SCARA5: variants seen among roughly 807,000 people sequenced by gnomAD.
The protein encoded by SCARA5 is scavenger receptor class A, member 5 (putative).
In SCARA5, 45 loss-of-function variants were observed where a neutral mutation model predicts 46.3. The observed-to-expected ratio is 0.97, with a 90% confidence interval of 0.76 to 1.24. The LOEUF (loss-of-function observed/expected upper bound fraction) is 1.24. Among genes scored for constraint, SCARA5 ranks in the 50% most tolerant of loss-of-function variants. The pLI, the probability that SCARA5 is intolerant of heterozygous loss-of-function variation, is 0.00. For synonymous variants in SCARA5, 333 were observed against 306.5 expected, an observed-to-expected ratio of 1.09 and a Z score of -0.90; for missense variants, 680 against 689.0, an observed-to-expected ratio of 0.99 and a Z score of 0.15.
At chr8:27,986,638 G>A (rs978388208) in intron 2 of SCARA5, among the ~76,000 whole-genome samples, 3 of 151,722 alleles carry the variant, frequency 2.0e-5, no homozygotes, top group East Asian at 2.0e-4. Context: ...AGCCACCACG[G>A]TTCTTTCCCT....
At chr8:27,944,759 A>G (rs1003621206) in intron 3 of SCARA5, among the ~76,000 whole-genome samples, 5 of 151,764 alleles carry the variant, frequency 3.3e-5, no homozygotes, top group African/African-American at 9.7e-5. Flanking sequence ...AATCCCAGAT[A>G]CTTGGGAGGC....
intron 3 of SCARA5, among the ~76,000 whole-genome samples, chr8:27,958,823 C>G (rs1469960310): frequency 6.6e-6 from 1 of 152,176 alleles, no homozygotes; most frequent in East Asian, 1.9e-4. Context: ...GCAATGGTTT[C>G]CTTTGAAAGA....
At chr8:27,888,142 T>TG (rs1424365765) in intron 7 of SCARA5, among the ~76,000 whole-genome samples, 1 of 152,134 alleles carries the variant, frequency 6.6e-6, no homozygotes, top group Non-Finnish European at 1.5e-5. Flanking sequence ...CTACAACCTC[T>TG]GTCCCCCAGG....
chr8:27,989,787 C>T (rs1251492256), intron 1 of SCARA5, among the ~76,000 whole-genome samples: 1 of 152,208 alleles, frequency 6.6e-6, no homozygotes, highest in Admixed American at 6.5e-5. Flanking sequence ...TTCCGGCCCT[C>T]CACCCAATGC....
chr8:27,964,150 A>G (rs1318154933), intron 3 of SCARA5, among the ~76,000 whole-genome samples: 1 of 152,214 alleles, frequency 6.6e-6, no homozygotes, highest in Non-Finnish European at 1.5e-5. Context: ...AAGATCAGAC[A>G]GAGCCTCCTT....
rs184545131 is a variant in SCARA5, at chr8:27,871,703, A to G, written c.*231T>C. On this transcript the variant is annotated 3_prime_UTR_variant, in exon 9 of 9. Transcript: ENST00000354914. ...GTTGATCAGGGCTCCTCATGCAGGA[A>G]CCTGGTGGAAGAGAGAGACGGGCAG... The G allele has an allele frequency of 1.1e-4, 150 of 1,388,366 alleles. 1 individual carries two copies. In the African/African-American group the frequency reaches 2.0e-3, roughly 19 times the overall value. 86.0% of individuals were successfully genotyped at this position (1,388,366 alleles called of 1,614,324 possible). A position where few individuals can be genotyped will look rare whatever the true frequency, so the allele number is the denominator to read the frequency against.
chr8:27,961,464 G>A (rs916993259), intron 3 of SCARA5, among the ~76,000 whole-genome samples: 17 of 152,172 alleles, frequency 1.1e-4, no homozygotes, highest in South Asian at 2.1e-4. Flanking sequence ...TACAGCCTAC[G>A]AAACCATGAG....
intron 4 of SCARA5, among the ~76,000 whole-genome samples, chr8:27,910,567 A>T (rs1483479430): frequency 2.0e-5 from 3 of 152,232 alleles, no homozygotes; most frequent in South Asian, 2.1e-4. Context: ...AGATCTGCAC[A>T]TGAGGAAGAC....
chr8:27,979,979 T>C (rs1420488383), intron 2 of SCARA5, among the ~76,000 whole-genome samples: 1 of 152,160 alleles, frequency 6.6e-6, no homozygotes, highest in Non-Finnish European at 1.5e-5. Context: ...TCTGCACCAA[T>C]GACGTGCCCA....
At chr8:27,941,204 T>G (rs1014395817) in intron 3 of SCARA5, among the ~76,000 whole-genome samples, 1 of 152,180 alleles carries the variant, frequency 6.6e-6, no homozygotes, top group African/African-American at 2.4e-5. Context: ...TAATTCAGAA[T>G]AGATTCTAAA....
intron 7 of SCARA5, among the ~76,000 whole-genome samples, chr8:27,901,997 G>A (rs2129737885): frequency 6.6e-6 from 1 of 152,230 alleles, no homozygotes; most frequent in East Asian, 1.9e-4. Flanking sequence ...GATTCCTCTG[G>A]GTCTCCCAGA....
chr8:27,896,600 G>A (rs867601970), intron 7 of SCARA5, among the ~76,000 whole-genome samples: 26 of 152,164 alleles, frequency 1.7e-4, no homozygotes, highest in Middle Eastern at 3.4e-3. Flanking sequence ...TCTCAATAGT[G>A]TTGAACTCAA....
intron 3 of SCARA5, among the ~76,000 whole-genome samples, chr8:27,924,297 A>C (rs972562354): frequency 1.3e-5 from 2 of 152,234 alleles, no homozygotes; most frequent in Admixed American, 1.3e-4. Flanking sequence ...TCAAACAATG[A>C]GAAAAATCAG....
chr8:27,969,686 C>T (rs762699724), intron 2 of SCARA5, among the ~76,000 whole-genome samples: 24 of 152,124 alleles, frequency 1.6e-4, no homozygotes, highest in Non-Finnish European at 3.1e-4. Flanking sequence ...CATAGGTTCA[C>T]TGATAGTAAC....
chr8:27,902,934 G>T (rs1045496355), intron 7 of SCARA5, among the ~76,000 whole-genome samples: 6 of 152,178 alleles, frequency 3.9e-5, no homozygotes, highest in Admixed American at 3.3e-4. Context: ...GGTGAGTGTG[G>T]GGGGTCCAGG....
At position 27,922,141 on chromosome 8, in the gene SCARA5, G is replaced by C. The variant is rs1310044471; in HGVS notation, c.346C>G (p.Pro116Ala). The change falls in exon 4 of 9, where the codon CCG (proline) becomes GCG (alanine). Residue 116 changes from proline to alanine, a missense_variant. Coordinates refer to ENST00000354914, the MANE Select transcript of SCARA5 (RefSeq NM_173833.6). The part of the protein sequence containing the change: ...RDLQLRLLQA[P>A]LQADLTEQVW... The stretch of plus-strand genomic sequence containing the variant: ...TGCTCCGTCAGGTCCGCTTGCAGCG[G>C]AGCCTGCAGCAGCCGCAGCTGCAAG... The C allele has an allele frequency of 1.2e-6, 2 of 1,607,624 alleles. No homozygotes were observed. Among genetic ancestry groups the C allele is most frequent in the Non-Finnish European group, 1.7e-6 (2 of 1,177,876 alleles).
chr8:27,876,045 G>A (rs571749959), intron 8 of SCARA5, among the ~76,000 whole-genome samples: 5 of 152,226 alleles, frequency 3.3e-5, no homozygotes, highest in Admixed American at 1.3e-4. Flanking sequence ...GAGAAGGAAG[G>A]CCACAGGAGC....
At chr8:27,875,172 TTCCTCCCTCCCTCCCTCCCTCCCTTCAC>T (rs925255261) in intron 8 of SCARA5, among the ~76,000 whole-genome samples, 14 of 151,584 alleles carry the variant, frequency 9.2e-5, no homozygotes, top group South Asian at 4.2e-4. Flanking sequence ...TCTCCCTCTG[TTCCTCCCTCCCTCCCTCCCTCCCTTCAC>T]TCCTCCCTCC....
chr8:27,925,798 A>C (rs930209668), intron 3 of SCARA5, among the ~76,000 whole-genome samples: 1 of 152,254 alleles, frequency 6.6e-6, no homozygotes, highest in African/African-American at 2.4e-5. Context: ...GGATATGAAC[A>C]GACACTTCTC....
Sources: gnomAD v4.1 joint callset for allele counts (sites outside exome capture counted in the v4.1 genomes callset) on GRCh38, gnomAD v4.1.1 for gene constraint, MANE v1.5 for transcripts, NCBI Gene and HGNC (gene_info 2026-07-23, HGNC 2026-07-21) for gene names.